The following ZSCAN31 variants were observed in gnomAD, a reference collection of about 807,000 sequenced individuals.
ZSCAN31 encodes zinc finger and SCAN domain containing 31.
A neutral mutation model predicts 22.5 loss-of-function variants in ZSCAN31; 14 were observed. The ratio of observed to expected loss-of-function variants is 0.62; its 90% CI spans 0.41 to 0.97. The LOEUF (loss-of-function observed/expected upper bound fraction) is 0.97, where lower values mean the gene tolerates loss of function less well. ZSCAN31 is among the 50% of genes least tolerant of loss of function. The pLI is 0.00. For synonymous variants in ZSCAN31, 168 were observed against 169.8 expected, an observed-to-expected ratio of 0.99 and a Z score of 0.08; for missense variants, 424 against 483.4, an observed-to-expected ratio of 0.88 and a Z score of 1.15.
upstream of ZSCAN31, among the ~76,000 whole-genome samples, chr6:28,336,555 G>A (rs965859891): frequency 2.6e-5 from 4 of 152,156 alleles, no homozygotes; most frequent in African/African-American, 9.7e-5. Flanking sequence ...GTTGGGGAGG[G>A]GTTGGGGAAG....
Position 28,333,998 on chromosome 6 carries a change from G to C in ZSCAN31, c.-96+2084C>G, listed in dbSNP as rs529677773. ...GAGTTAAAAAAAAGGGTAAAGTGGA[G>C]GGGGTGAAGACTATTGCACTGAATC... On this transcript the variant is annotated intron_variant, in intron 1 of 3. Transcript: ENST00000344279. The surrounding 1 kb of genome is among the most constrained non-coding windows in gnomAD (Gnocchi z 4.1). Among the ~76,000 whole-genome samples the C allele has an allele frequency of 6.6e-6, 1 of 152,248 alleles. No individual in the cohort carries two copies. The highest frequency in any genetic ancestry group is 2.1e-4 in the South Asian group (1 of 4,814).
intron 1 of ZSCAN31, 190 bp downstream of exon 1, chr6:28,335,892 G>A (rs944986349): frequency 6.6e-6 from 1 of 152,280 alleles, no homozygotes; most frequent in Non-Finnish European, 1.5e-5. Context: ...CGTTATCTCA[G>A]ACAAAGAAAG....
chr6:28,337,649 C>T (rs905921616), upstream of ZSCAN31: 4 of 152,150 alleles, frequency 2.6e-5, no homozygotes, highest in African/African-American at 7.2e-5. Context: ...GGTCCTCATC[C>T]TCATGGGGTT....
rs1764850331 is a variant in ZSCAN31, at chr6:28,349,861, G to A, written c.-371+4001C>T. The A allele has an allele frequency of 6.6e-6, 1 of 152,264 alleles. No individual in the cohort carries two copies. The highest frequency in any genetic ancestry group is 2.1e-4 in the South Asian group (1 of 4,836). The allele number at this position is 152,264 out of a possible 1,614,324, so 9.4% of individuals were successfully genotyped here. On this transcript the variant is annotated intron_variant, in intron 2 of 7. Transcript: ENST00000396838. The surrounding 1 kb of genome is among the most constrained non-coding windows in gnomAD (Gnocchi z 4.1). Reference sequence around the variant, plus strand: ...AGCAAAAGGGGAGGGGACACAAGGTGCCGAGCTAGCAAACGACAGAGTCTG... The same window carrying A: ...AGCAAAAGGGGAGGGGACACAAGGTACCGAGCTAGCAAACGACAGAGTCTG...
At position 28,325,666 on chromosome 6, in the gene ZSCAN31, T is replaced by C. The variant is rs1763209972; in HGVS notation, c.*500A>G. 1 of 153,032 alleles carries C rather than the reference T, an allele frequency of 6.5e-6. No individual in the cohort carries two copies. The highest frequency in any genetic ancestry group is 1.9e-4 in the East Asian group (1 of 5,208). 9.5% of individuals were successfully genotyped at this position (153,032 alleles called of 1,614,324 possible). A position where few individuals can be genotyped will look rare whatever the true frequency, so the allele number is the denominator to read the frequency against. On this transcript the variant is annotated 3_prime_UTR_variant, in exon 4 of 4. Transcript: ENST00000344279. ...CCTGTGGGAATGTGGACGATTCTTA[T>C]TCCCCAAAACCTTACATTTGTTTAA...
chr6:28,348,924 T>TCA (rs111403132), intron 2 of ZSCAN31, among the ~76,000 whole-genome samples: 11 of 151,792 alleles, frequency 7.2e-5, no homozygotes, highest in Non-Finnish European at 1.2e-4. Flanking sequence ...TATACATGTC[T>TCA]TATACATAGG....
chr6:28,339,445 C>G (rs1410730461), upstream of ZSCAN31, among the ~76,000 whole-genome samples: 1 of 152,090 alleles, frequency 6.6e-6, no homozygotes, highest in Non-Finnish European at 1.5e-5. Flanking sequence ...TGTGCCACCA[C>G]GCCTGGCAAA....
rs1221042698 is a variant in ZSCAN31, at chr6:28,329,527, G to C, written c.157C>G (p.Pro53Ala). ...CGGAGCCGGCTCAGAGCTTCTCGGG[G>C]ACCAGGAGTCTCTTGGTAACAAAAC... Reference protein sequence around the residue: ...RQFCYQETPGPREALSRLREL... With the variant: ...RQFCYQETPGAREALSRLREL... Residue 53 changes from proline to alanine, a missense_variant, in exon 2 of 4, where the codon CCC becomes GCC. Transcript: ENST00000344279. 1 of 1,614,214 alleles carries C rather than the reference G, an allele frequency of 6.2e-7. No individual in the cohort carries two copies. Among genetic ancestry groups the C allele is most frequent in the Admixed American group, 1.7e-5 (1 of 60,028 alleles).
rs746126074 is a variant in ZSCAN31 at position 28,327,370 on chromosome 6, T to A, written c.532+13A>T. 1 of 1,613,970 alleles carries A rather than the reference T, an allele frequency of 6.2e-7. No individual in the cohort carries two copies. Among genetic ancestry groups the A allele is most frequent in the Non-Finnish European group, 8.5e-7 (1 of 1,179,916 alleles). On this transcript the variant is annotated intron_variant, in intron 3 of 3. Transcript: ENST00000344279. ...ACCAGAGATCTCCTGAAGGGACCTGTCAAAATCCTTACCTTGTTCTTGAAA... is the reference window on the plus strand; with the variant it reads ...ACCAGAGATCTCCTGAAGGGACCTGACAAAATCCTTACCTTGTTCTTGAAA...
At chr6:28,327,205 C>T (rs947744226) in intron 3 of ZSCAN31, among the ~76,000 whole-genome samples, 178 bp downstream of exon 3, 2 of 152,202 alleles carry the variant, frequency 1.3e-5, no homozygotes, top group African/African-American at 4.8e-5. Context: ...ATCCCCACTT[C>T]AAATATGCAT....
In ZSCAN31 at chr6:28,351,025, G is replaced by C. The variant is rs1475607263; in HGVS notation, c.-371+2837C>G. Among the ~76,000 whole-genome samples the C allele has an allele frequency of 2.0e-5, 3 of 152,164 alleles. No individual in the cohort carries two copies. Among genetic ancestry groups the C allele is most frequent in the Non-Finnish European group, 2.9e-5 (2 of 68,028 alleles). On this transcript the variant is annotated intron_variant, in intron 2 of 7. Transcript: ENST00000396838. The surrounding 1 kb of genome is among the most constrained non-coding windows in gnomAD (Gnocchi z 4.6). ...TTTTCGAGCTTCCAGGAACGCCCTA[G>C]CCTGAAACTGGCTTCATACTAACAC...
At chr6:28,329,850 C>T (rs1763607983) in intron 1 of ZSCAN31, 72 bp from the exon 2 acceptor site, 1 of 705,864 alleles carries the variant, frequency 1.4e-6, no homozygotes, top group Non-Finnish European at 2.2e-6. Flanking sequence ...AGTATGGAAA[C>T]ATGAATGGTA....
chr6:28,348,931 T>C (rs1326182457), intron 2 of ZSCAN31, among the ~76,000 whole-genome samples: 1 of 151,518 alleles, frequency 6.6e-6, no homozygotes, highest in Non-Finnish European at 1.5e-5. Context: ...GTCTTATACA[T>C]AGGTGTATAT....
chr6:28,354,689 T>C (rs1765306022), upstream of ZSCAN31, among the ~76,000 whole-genome samples: 1 of 152,248 alleles, frequency 6.6e-6, no homozygotes, highest in Admixed American at 6.5e-5. Flanking sequence ...AATGTTGCTT[T>C]ATATATTAAT....
chr6:28,337,154 G>A (rs1195483835), upstream of ZSCAN31, among the ~76,000 whole-genome samples: 2 of 152,196 alleles, frequency 1.3e-5, no homozygotes, highest in Non-Finnish European at 2.9e-5. Flanking sequence ...GCAGGAATCT[G>A]CCAGTGTACA....
At chr6:28,352,751 T>C (rs966195079) in intron 2 of ZSCAN31, among the ~76,000 whole-genome samples, 1 of 152,188 alleles carries the variant, frequency 6.6e-6, no homozygotes, top group African/African-American at 2.4e-5. Flanking sequence ...CCCAGATCTC[T>C]TGTGGCAGCT....
At chr6:28,355,589 C>T (rs1765371248), upstream of ZSCAN31, 1 of 152,218 alleles carries the variant, frequency 6.6e-6, no homozygotes, top group Non-Finnish European at 1.5e-5. Flanking sequence ...CTTGTGCCTG[C>T]TGAATAGCCT....
At chr6:28,348,792 C>T (rs1764757309) in intron 2 of ZSCAN31, among the ~76,000 whole-genome samples, 1 of 152,028 alleles carries the variant, frequency 6.6e-6, no homozygotes, top group Non-Finnish European at 1.5e-5. Flanking sequence ...TTGCTTTGTA[C>T]TGGATTTGTG....
At chr6:28,346,029 T>C (rs1476386604) in intron 2 of ZSCAN31, among the ~76,000 whole-genome samples, 2 of 152,136 alleles carry the variant, frequency 1.3e-5, no homozygotes, top group Non-Finnish European at 2.9e-5. Flanking sequence ...TAGGGAAAGA[T>C]GTGCTTTCTA....
Sources: allele counts gnomAD v4.1 joint callset (sites outside exome capture counted in the v4.1 genomes callset), GRCh38; gene constraint gnomAD v4.1.1; non-coding constraint Gnocchi (gnomAD v3.1); transcripts MANE v1.5; gene names NCBI Gene and HGNC (gene_info 2026-07-23, HGNC 2026-07-21).